ADD1: variants seen among roughly 807,000 people sequenced by gnomAD.
The protein encoded by ADD1 is alpha-adducin.
A neutral mutation model predicts 80.5 loss-of-function variants in ADD1; 24 were observed. The observed-to-expected ratio is 0.30, with a 90% CI of 0.22 to 0.42. ADD1 has a LOEUF of 0.42. ADD1 is among the 10% of genes least tolerant of loss of function. The pLI is 1.00. For synonymous variants in ADD1, 373 were observed against 393.8 expected (o/e 0.95, Z 0.63); for missense variants, 948 against 1,019.0 (o/e 0.93, Z 0.95).
intron 2 of ADD1, among the ~76,000 whole-genome samples, chr4:2,876,574 C>T (rs893513216): frequency 1.9e-4 from 29 of 151,128 alleles, no homozygotes; most frequent in African/African-American, 6.6e-4. Context: ...CGGTGGCTCA[C>T]GCCTGTAATC....
intron 10 of ADD1, 197 bp from the exon 11 acceptor site, chr4:2,907,546 A>G: frequency 1.9e-6 from 1 of 514,616 alleles, no homozygotes; most frequent in East Asian, 3.4e-5. Context: ...GACTTCCAGC[A>G]TTAACTGGTC....
intron 2 of ADD1, among the ~76,000 whole-genome samples, chr4:2,880,703 C>G (rs971970712): frequency 1.3e-5 from 2 of 151,932 alleles, no homozygotes; most frequent in Non-Finnish European, 2.9e-5. Flanking sequence ...TCTCGATCTC[C>G]TGACCTCGTG....
chr4:2,886,582 A>C (rs1264717801), intron 4 of ADD1, among the ~76,000 whole-genome samples: 1 of 152,202 alleles, frequency 6.6e-6, no homozygotes, highest in African/African-American at 2.4e-5. Flanking sequence ...ACAGGAATAT[A>C]AATTCCACAG....
At chr4:2,886,174 G>C (rs1456073854) in intron 4 of ADD1, among the ~76,000 whole-genome samples, 3 of 152,230 alleles carry the variant, frequency 2.0e-5, no homozygotes, top group Non-Finnish European at 4.4e-5. Context: ...GAGGCAAGCA[G>C]TGTGTGCGCT....
intron 2 of ADD1, among the ~76,000 whole-genome samples, chr4:2,878,319 A>G (rs1370809697): frequency 2.0e-5 from 3 of 152,190 alleles, no homozygotes; most frequent in Non-Finnish European, 4.4e-5. Context: ...GCTTGGGCCA[A>G]GGTGGCGTAG....
intron 4 of ADD1, among the ~76,000 whole-genome samples, chr4:2,886,350 C>T (rs1048149298): frequency 4.6e-5 from 7 of 152,192 alleles, no homozygotes; most frequent in African/African-American, 1.4e-4. Context: ...TGTGTTGTGC[C>T]TCTGGGACTT....
intron 9 of ADD1, 113 bp from the exon 10 acceptor site, chr4:2,904,651 C>A: frequency 1.1e-6 from 1 of 927,948 alleles, no homozygotes; most frequent in Non-Finnish European, 1.7e-6. Flanking sequence ...ATTACTGAGT[C>A]ATAGGGTATG....
At chr4:2,899,113 A>T (rs1735747873) in intron 8 of ADD1, 146 bp from the exon 9 acceptor site, 1 of 805,604 alleles carries the variant, frequency 1.2e-6, no homozygotes, top group East Asian at 2.7e-5. Flanking sequence ...TAACTTTGTG[A>T]TCAGTCTGTC....
At chr4:2,879,172 C>T (rs1731824692) in intron 2 of ADD1, among the ~76,000 whole-genome samples, 1 of 152,114 alleles carries the variant, frequency 6.6e-6, no homozygotes, top group African/African-American at 2.4e-5. Flanking sequence ...CACACAAGGT[C>T]CTTAGGCTAG....
chr4:2,904,888 C>A lies in ADD1; in HGVS notation c.1286C>A (p.Thr429Asn). 6.2e-7 allele frequency: 1 copy of A among 1,614,206 alleles called. No individual in the cohort carries two copies. Among genetic ancestry groups the A allele is most frequent in the East Asian group, 2.2e-5 (1 of 44,888 alleles). Residue 429 changes from threonine to asparagine, a missense_variant, in exon 10 of 16, where the codon ACT becomes AAT. Physicochemically the swap from Thr to Asn is moderately conservative, Grantham distance 65 (BLOSUM62 0). Coordinates refer to ENST00000683351, the MANE Select transcript of ADD1 (RefSeq NM_001354761.2). ...TTTGCTAGTGACGGTGATTCGGGCA[C>A]TTGCTCCCCACTCAGACACAGTTTT... ...YSFASDGDSG[T>N]CSPLRHSFQK...
intron 14 of ADD1, among the ~76,000 whole-genome samples, chr4:2,920,673 C>CTTTTTTTTTTTTTTTTT (rs1739866114): frequency 1.3e-5 from 1 of 74,720 alleles, no homozygotes; most frequent in Non-Finnish European, 2.8e-5. Flanking sequence ...TTTTTTTTTG[C>CTTTTTTTTTTTTTTTTT]TTTTCTTTTG....
chr4:2,853,372 G>C (rs1727605391), intron 1 of ADD1, among the ~76,000 whole-genome samples: 1 of 152,138 alleles, frequency 6.6e-6, no homozygotes, highest in Non-Finnish European at 1.5e-5. Flanking sequence ...CTCCCAAAGT[G>C]CTGGGATTAC....
At chr4:2,855,840 C>T (rs754681956) in intron 1 of ADD1, among the ~76,000 whole-genome samples, 5 of 151,856 alleles carry the variant, frequency 3.3e-5, no homozygotes, top group Non-Finnish European at 5.9e-5. Context: ...GCTGGGACTA[C>T]AGGCACATGC....
chr4:2,903,258 G>A (rs1736494267), intron 9 of ADD1, among the ~76,000 whole-genome samples: 1 of 152,192 alleles, frequency 6.6e-6, no homozygotes, highest in Non-Finnish European at 1.5e-5. Flanking sequence ...TGAAGGTGCT[G>A]TGAGTGACTT....
At position 2,899,312 on chromosome 4, in the gene ADD1, T is replaced by A; in HGVS notation, c.1038T>A (p.Pro346=). Residue 346 remains proline, a synonymous_variant, in exon 9 of 16, where the codon CCT becomes CCA. Transcript: ENST00000683351. ...CAGACAACTTAGTCCTGCTGAATCC[T>A]GAGAAGTACAAAGCCAAGTCCCGTT... ...GGPDNLVLLN[P]EKYKAKSRSP... 1 of 1,614,210 alleles carries A rather than the reference T, an allele frequency of 6.2e-7. No homozygotes were observed. Among genetic ancestry groups the A allele is most frequent in the African/African-American group, 1.3e-5 (1 of 75,056 alleles).
intron 14 of ADD1, among the ~76,000 whole-genome samples, chr4:2,923,718 C>T (rs1560260098): frequency 6.6e-6 from 1 of 152,232 alleles, no homozygotes; most frequent in Non-Finnish European, 1.5e-5. Flanking sequence ...AGTCATTGTG[C>T]CGGGCACATG....
chr4:2,865,614 G>C (rs1237957830), intron 1 of ADD1, among the ~76,000 whole-genome samples: 1 of 152,086 alleles, frequency 6.6e-6, no homozygotes, highest in Non-Finnish European at 1.5e-5. Context: ...TGTCAAAACT[G>C]CCTGTTTGTT....
rs778903128 is a variant in ADD1, at chr4:2,898,228, G to A, written c.786G>A (p.Ala262=). The A allele has an allele frequency of 9.3e-6, 15 of 1,614,100 alleles. No homozygotes were observed. The highest frequency in any genetic ancestry group is 2.2e-5 in the East Asian group (1 of 44,880). The change falls in exon 7 of 16, where the codon GCG becomes GCA. Residue 262 remains alanine, a synonymous_variant. Coordinates refer to ENST00000683351, the MANE Select transcript of ADD1 (RefSeq NM_001354761.2). ...KCGLLPISPE[A]LSLGEVAYHD... ...GCCTCTTGCCAATCTCCCCGGAGGC[G>A]CTTTCCCTTGGAGAAGTGGCTTATC...
intron 14 of ADD1, among the ~76,000 whole-genome samples, chr4:2,917,647 G>T (rs1317030151): frequency 6.6e-6 from 1 of 152,140 alleles, no homozygotes; most frequent in African/African-American, 2.4e-5. Flanking sequence ...TTTCTTCTAG[G>T]ATTTTTATGG....
Sources: gnomAD v4.1 joint callset for allele counts (sites outside exome capture counted in the v4.1 genomes callset) on GRCh38, gnomAD v4.1.1 for gene constraint, MANE v1.5 for transcripts, NCBI Gene and HGNC (gene_info 2026-07-23, HGNC 2026-07-21) for gene names.